ZNF695: variants seen among roughly 807,000 people sequenced by gnomAD.
ZNF695 encodes zinc finger protein SBZF3.
In ZNF695, 11 loss-of-function variants were observed where a neutral mutation model predicts 11.2. The ratio of observed to expected loss-of-function variants is 0.98; its 90% CI spans 0.62 to 1.62. ZNF695 has a LOEUF of 1.62. ZNF695 is among the 40% of genes most tolerant of loss of function. ZNF695 has a pLI of 0.00. For synonymous variants in ZNF695, 190 were observed against 201.4 expected, an observed-to-expected ratio of 0.94 and a Z score of 0.48; for missense variants, 559 against 590.5, an observed-to-expected ratio of 0.95 and a Z score of 0.55.
At chr1:246,959,919 C>A (rs141441265) in intron 5 of ZNF695, among the ~76,000 whole-genome samples, 5 of 152,148 alleles carry the variant, frequency 3.3e-5, no homozygotes, top group Non-Finnish European at 7.3e-5. Context: ...GTTTCTGATC[C>A]ATTAGTTCCG....
chr1:246,961,344 T>C (rs992138273), intron 5 of ZNF695, among the ~76,000 whole-genome samples: 37 of 152,242 alleles, frequency 2.4e-4, no homozygotes, highest in African/African-American at 7.7e-4. Context: ...TATTATTTCA[T>C]GTGCACGTAG....
intron 2 of ZNF695, 62 bp from the exon 3 acceptor site, chr1:246,999,502 G>A: frequency 7.6e-7 from 1 of 1,311,086 alleles, no homozygotes; most frequent in Non-Finnish European, 1.1e-6. Context: ...CTTTTACTAT[G>A]CTCAGTAGAG....
rs764716835 is a variant in ZNF695 at position 246,977,338 on chromosome 1, C to G, written c.391-9546G>C. ...GTGGTGTGATCTTGGCTCACTGCAA[C>G]CTCTGCCTCCTGGGTTCAAGCGATT... On this transcript the variant is annotated intron_variant, in intron 4 of 5. Transcript: ENST00000487338. 9.8e-5 allele frequency among the ~76,000 whole-genome samples: 15 copies of G among 152,318 alleles called. No homozygotes were observed. The South Asian group carries it at 1.9e-3, about 19-fold the overall frequency.
At chr1:246,965,815 A>G (rs1668276273) in intron 5 of ZNF695, among the ~76,000 whole-genome samples, 1 of 152,112 alleles carries the variant, frequency 6.6e-6, no homozygotes. Flanking sequence ...CCTCACCAGG[A>G]GCAGCCTCTC....
At chr1:246,958,975 C>T (rs1274125930) in intron 5 of ZNF695, among the ~76,000 whole-genome samples, 1 of 151,802 alleles carries the variant, frequency 6.6e-6, no homozygotes, top group Non-Finnish European at 1.5e-5. Context: ...CCTTACTCTC[C>T]TCAGATGTCA....
downstream of ZNF695, chr1:246,945,654 A>G (rs1056414005): frequency 3.9e-6 from 3 of 772,966 alleles, no homozygotes; most frequent in Non-Finnish European, 4.1e-6. Context: ...TCTTCCTTTC[A>G]TATTCATCAG....
Position 246,966,850 on chromosome 1 carries a change from T to C in ZNF695, c.488+845A>G, listed in dbSNP as rs148567711. On this transcript the variant is annotated intron_variant, in intron 5 of 5. Transcript: ENST00000487338. ...CCTGTGAGCCACTGCAAGGTTTTAC[T>C]CTAAGTGAGATAGTGAGATGAGGAG... The C allele has an allele frequency of 1.1e-3, 500 of 456,828 alleles. 2 individuals carry two copies. The highest frequency in any genetic ancestry group is 9.1e-3 in the African/African-American group (457 of 50,186). The allele number at this position is 456,828 out of a possible 1,614,324, so 28.3% of individuals were successfully genotyped here.
In ZNF695 at chr1:246,959,311, ATATATATATATATAT is replaced by A. The variant is rs1229101835; in HGVS notation, c.488+8369_488+8383del. Among the ~76,000 whole-genome samples the A allele has an allele frequency of 6.2e-3, 130 of 20,958 alleles. 3 individuals are homozygous for A. The highest frequency in any genetic ancestry group is 0.015 in the African/African-American group (62 of 4,070). The allele number at this position is 20,958 out of a possible 152,430, so 13.7% of individuals were successfully genotyped here. A position where few individuals can be genotyped will look rare whatever the true frequency, so the allele number is the denominator to read the frequency against. On this transcript the variant is annotated intron_variant, in intron 5 of 5. Transcript: ENST00000487338. ...AAAAAAAAAAAAAAAAAAAAAAAAA[ATATATATATATATAT>A]ATATATATATATATATATATATATA...
chr1:246,965,934 TA>T (rs2103008745), intron 5 of ZNF695, among the ~76,000 whole-genome samples: 1 of 150,650 alleles, frequency 6.6e-6, no homozygotes, highest in East Asian at 1.9e-4. Flanking sequence ...CCCAGAAAAT[TA>T]AAAATATATA....
intron 3 of ZNF695, among the ~76,000 whole-genome samples, chr1:246,994,051 C>A (rs1479347594): frequency 6.6e-6 from 1 of 152,094 alleles, no homozygotes; most frequent in African/African-American, 2.4e-5. Flanking sequence ...TGGCACAAAC[C>A]TGTAGTCCCA....
At chr1:246,993,476 T>G (rs1669102349) in intron 3 of ZNF695, among the ~76,000 whole-genome samples, 1 of 151,994 alleles carries the variant, frequency 6.6e-6, no homozygotes, top group Non-Finnish European at 1.5e-5. Flanking sequence ...AAGAACAAGT[T>G]TGAGAGGCTC....
At position 246,987,552 on chromosome 1, in the gene ZNF695, C is replaced by T; in HGVS notation, c.963G>A (p.Glu321=). 1 of 1,600,216 alleles carries T rather than the reference C, an allele frequency of 6.2e-7. No individual in the cohort carries two copies. The highest frequency in any genetic ancestry group is 8.5e-7 in the Non-Finnish European group (1 of 1,174,442). ...LTQHKRIHSR[E]KPYKCEECGK... is the part of the protein sequence containing the mutation. Reference sequence around the variant, plus strand: ...CACATTCTTCACACTTGTAGGGTTTCTCTCTACTATGAATTCTCTTGTGTT... The same window carrying T: ...CACATTCTTCACACTTGTAGGGTTTTTCTCTACTATGAATTCTCTTGTGTT... The change falls in exon 4 of 4, where the codon GAG becomes GAA. Residue 321 remains glutamate, a synonymous_variant. Coordinates refer to ENST00000339986, the MANE Select transcript of ZNF695 (RefSeq NM_020394.5).
intron 5 of ZNF695, among the ~76,000 whole-genome samples, chr1:246,963,903 C>T (rs946376388): frequency 1.3e-5 from 2 of 152,184 alleles, no homozygotes; most frequent in African/African-American, 4.8e-5. Flanking sequence ...GGCTGTGACC[C>T]GTGTTCCTGA....
At chr1:246,999,524 T>A in intron 2 of ZNF695, 84 bp from the exon 3 acceptor site, 1 of 1,018,048 alleles carries the variant, frequency 9.8e-7, no homozygotes. Flanking sequence ...AGAGAAAACA[T>A]CACATTAGAT....
chr1:246,988,089 A>C lies in ZNF695; in HGVS notation c.426T>G (p.Asn142Lys). 6.2e-7 allele frequency: 1 copy of C among 1,613,438 alleles called. No homozygotes were observed. Among genetic ancestry groups the C allele is most frequent in the Non-Finnish European group, 8.5e-7 (1 of 1,179,714 alleles). Residue 142 changes from asparagine to lysine, a missense_variant, in exon 4 of 4, where the codon AAT becomes AAG. Asn to Lys is a moderately conservative substitution (Grantham distance 94). Transcript: ENST00000339986. ...TAGTTGCTGAGCATAGGTCAAGTCC[A>C]TTATAACTTGCCTTCTGCCCTTTCC... ...GEWKGQKASY[N>K]GLDLCSATTH...
chr1:246,991,839 C>T (rs1669043770), intron 3 of ZNF695, among the ~76,000 whole-genome samples: 1 of 152,176 alleles, frequency 6.6e-6, no homozygotes, highest in African/African-American at 2.4e-5. Context: ...CAGCACTATT[C>T]ACAACAGCCA....
downstream of ZNF695, among the ~76,000 whole-genome samples, chr1:246,983,771 T>C (rs944055848): frequency 2.0e-5 from 3 of 152,038 alleles, no homozygotes; most frequent in Non-Finnish European, 2.9e-5. Flanking sequence ...TGAGCCAAGA[T>C]TGCACCACTG....
chr1:247,005,018 A>G (rs955412467), intron 1 of ZNF695, among the ~76,000 whole-genome samples: 1 of 152,210 alleles, frequency 6.6e-6, no homozygotes, highest in Non-Finnish European at 1.5e-5. Flanking sequence ...CCACAAAGCA[A>G]TCTATAAACT....
chr1:246,974,849 C>T (rs958055238), intron 4 of ZNF695, among the ~76,000 whole-genome samples: 5 of 152,162 alleles, frequency 3.3e-5, no homozygotes, highest in Non-Finnish European at 7.3e-5. Flanking sequence ...GCTGACCCAC[C>T]GCCACAGTGG....
Sources: gnomAD v4.1 joint callset for allele counts (sites outside exome capture counted in the v4.1 genomes callset) on GRCh38, gnomAD v4.1.1 for gene constraint, MANE v1.5 for transcripts, NCBI Gene and HGNC (gene_info 2026-07-23, HGNC 2026-07-21) for gene names.